The following CACNA1C variants were observed in gnomAD, a reference collection of about 807,000 sequenced individuals.
CACNA1C encodes the protein calcium voltage-gated channel subunit alpha1 C.
CACNA1C carries 30 observed loss-of-function variants against 229.0 expected under a neutral mutation model. The ratio of observed to expected loss-of-function variants is 0.13; its 90% CI spans 0.10 to 0.18. CACNA1C has a LOEUF of 0.18. Ranked by LOEUF, CACNA1C falls within the 10% of genes least tolerant of loss-of-function variation. CACNA1C has a pLI of 1.00. For synonymous variants in CACNA1C, 1,114 were observed against 1,132.5 expected (o/e 0.98, Z 0.33); for missense variants, 1,658 against 2,845.0 (o/e 0.58, Z 9.49).
intron 1 of CACNA1C, chr12:1,991,301 G>A (rs764818184): frequency 4.0e-4 from 175 of 435,918 alleles, no homozygotes; most frequent in Non-Finnish European, 7.3e-4. Context: ...ATTAAACATG[G>A]TAAAATAAAT....
At position 2,310,352 on chromosome 12, in the gene CACNA1C, A is replaced by AAATAT. The variant is rs201363709; in HGVS notation, c.478-138623_478-138622insATATA. Among the ~76,000 whole-genome samples the AAATAT allele has an allele frequency of 1.5e-3, 212 of 139,836 alleles. 1 individual carries two copies. Among genetic ancestry groups the AAATAT allele is most frequent in the African/African-American group, 4.8e-3 (180 of 37,644 alleles). 91.7% of individuals were successfully genotyped at this position (139,836 alleles called of 152,430 possible). Reference sequence around the variant, plus strand: ...CCTCTGCCTCCCAGTTAAAAAAAAAAATATATATATATATATATATGTATG... The same window carrying AAATAT: ...CCTCTGCCTCCCAGTTAAAAAAAAAAAATATATATATATATATATATATATGTATG... On this transcript the variant is annotated intron_variant, in intron 3 of 46. Coordinates refer to ENST00000399655, the MANE Select transcript of CACNA1C (RefSeq NM_000719.7).
At chr12:2,351,377 G>T (rs1269108223) in intron 3 of CACNA1C, among the ~76,000 whole-genome samples, 1 of 152,170 alleles carries the variant, frequency 6.6e-6, no homozygotes, top group Non-Finnish European at 1.5e-5. Flanking sequence ...GATGGCCATT[G>T]GCTGAAGCAA....
rs912527241 is a variant in CACNA1C at position 2,152,253 on chromosome 12, A to G, written c.477+31823A>G. On this transcript the variant is annotated intron_variant, in intron 3 of 46. Transcript: ENST00000399655. The surrounding 1 kb of genome is among the most constrained non-coding windows in gnomAD (Gnocchi z 4.2). ...TCTGTTCTCTACCTCTTTCATAGGG[A>G]TAGAATTTTCAGCTGGGCACATGAC... is the stretch of plus-strand genomic sequence containing the variant. Among the ~76,000 whole-genome samples, 81 of 152,344 alleles carry G rather than the reference A, an allele frequency of 5.3e-4. No individual in the cohort carries two copies. The highest frequency in any genetic ancestry group is 1.9e-3 in the African/African-American group (81 of 41,582).
chr12:2,136,057 G>A (rs890689755), intron 3 of CACNA1C, among the ~76,000 whole-genome samples: 15 of 150,920 alleles, frequency 9.9e-5, no homozygotes, highest in African/African-American at 3.4e-4. Flanking sequence ...TCGGGTGGGA[G>A]TGACCCAATT....
intron 29 of CACNA1C, among the ~76,000 whole-genome samples, chr12:2,628,375 C>G (rs367994982): frequency 6.6e-6 from 1 of 152,202 alleles, no homozygotes; most frequent in African/African-American, 2.4e-5. Flanking sequence ...TGCACCCTGT[C>G]GCCAATCCCA....
Position 2,654,813 on chromosome 12 carries a change from A to T in CACNA1C, c.4141-334A>T, listed in dbSNP as rs762189396. On this transcript the variant is annotated intron_variant, in intron 33 of 46. Coordinates refer to ENST00000399655, the MANE Select transcript of CACNA1C (RefSeq NM_000719.7). This position sits in a 1 kb window ranked among gnomAD's most constrained non-coding sequence, Gnocchi z 4.4. The stretch of plus-strand genomic sequence containing the variant: ...GTGCTTGGACATGCAGAACTGAAAT[A>T]GCAAAGAAAATAACGCAGTGCGTCC... Among the ~76,000 whole-genome samples, 1 of 152,234 alleles carries T rather than the reference A, an allele frequency of 6.6e-6. No homozygotes were observed. The highest frequency in any genetic ancestry group is 1.5e-5 in the Non-Finnish European group (1 of 68,044).
intron 1 of CACNA1C, among the ~76,000 whole-genome samples, chr12:2,056,234 T>A (rs2054799329): frequency 1.7e-5 from 2 of 117,796 alleles, no homozygotes; most frequent in African/African-American, 7.1e-5. Flanking sequence ...TGTGTGTGTG[T>A]GTGTTGAGGG....
At chr12:2,308,706 G>T (rs923272563) in intron 3 of CACNA1C, among the ~76,000 whole-genome samples, 4 of 152,180 alleles carry the variant, frequency 2.6e-5, no homozygotes, top group Non-Finnish European at 5.9e-5. Context: ...GACCTGAAAA[G>T]ACATTTTTCT....
intron 1 of CACNA1C, among the ~76,000 whole-genome samples, chr12:1,980,084 C>T (rs1359389448): frequency 6.6e-6 from 1 of 152,180 alleles, no homozygotes; most frequent in African/African-American, 2.4e-5. Context: ...CAAACCCATA[C>T]ACTATGTCCC....
At chr12:2,599,600 C>A (rs2070787474) in intron 21 of CACNA1C, among the ~76,000 whole-genome samples, 1 of 152,122 alleles carries the variant, frequency 6.6e-6, no homozygotes, top group African/African-American at 2.4e-5. Flanking sequence ...CCCTTCCAGG[C>A]AGAGCTAGCG....
chr12:2,234,299 A>G (rs755811235), intron 3 of CACNA1C, among the ~76,000 whole-genome samples: 3 of 152,132 alleles, frequency 2.0e-5, no homozygotes, highest in Non-Finnish European at 4.4e-5. Flanking sequence ...CTGAACAAAT[A>G]TGTGTTCTCA....
At chr12:2,026,575 G>T (rs1170263416) in intron 1 of CACNA1C, among the ~76,000 whole-genome samples, 2 of 152,216 alleles carry the variant, frequency 1.3e-5, no homozygotes, top group Non-Finnish European at 2.9e-5. Flanking sequence ...TGAGTAATTG[G>T]ATGCGTGGGA....
At chr12:2,422,288 G>C (rs562972042) in intron 3 of CACNA1C, among the ~76,000 whole-genome samples, 1 of 152,330 alleles carries the variant, frequency 6.6e-6, no homozygotes, top group East Asian at 1.9e-4. Context: ...TGGCTAGGAA[G>C]ATAGCTGTTA....
intron 3 of CACNA1C, among the ~76,000 whole-genome samples, chr12:2,156,360 T>C (rs2095554785): frequency 6.6e-6 from 1 of 152,206 alleles, no homozygotes; most frequent in Non-Finnish European, 1.5e-5. Context: ...TGCAGATTCA[T>C]ATGGTGGGTT....
Position 2,346,193 on chromosome 12 carries a change from G to GGT in CACNA1C, c.478-102779_478-102778dup, listed in dbSNP as rs1466705855. ...TGTGGGTGGAGCCGAGGAAGGCAGA[G>GGT]GTGTGCGTGTGTGTCTCTGTGTGTG... On this transcript the variant is annotated intron_variant, in intron 3 of 46. Transcript: ENST00000399655. This position sits in a 1 kb window ranked among gnomAD's most constrained non-coding sequence, Gnocchi z 4.4. Among the ~76,000 whole-genome samples the GGT allele has an allele frequency of 6.6e-6, 1 of 152,108 alleles. No homozygotes were observed. Among genetic ancestry groups the GGT allele is most frequent in the African/African-American group, 2.4e-5 (1 of 41,412 alleles).
chr12:2,676,478 T>TAC (rs1231200809), intron 39 of CACNA1C: 1 of 152,450 alleles, frequency 6.6e-6, no homozygotes, highest in Non-Finnish European at 1.5e-5. Context: ...CCATCAGGTT[T>TAC]ACTCCCAGGA....
intron 1 of CACNA1C, among the ~76,000 whole-genome samples, chr12:2,090,816 A>G (rs975288061): frequency 6.6e-6 from 1 of 152,170 alleles, no homozygotes; most frequent in African/African-American, 2.4e-5. Context: ...GAATCGCCAT[A>G]CAGTTTTCCA....
At chr12:2,547,473 G>A (rs374597708) in intron 9 of CACNA1C, 14 of 779,628 alleles carry the variant, frequency 1.8e-5, no homozygotes, top group Non-Finnish European at 3.3e-5. Context: ...GGGCATGCTT[G>A]ATCAGAAGAA....
chr12:2,032,314 T>C (rs942027332), intron 1 of CACNA1C, among the ~76,000 whole-genome samples: 1 of 152,122 alleles, frequency 6.6e-6, no homozygotes, highest in African/African-American at 2.4e-5. Context: ...TGAACATCAA[T>C]TTCTCTGTCA....
Sources: gnomAD v4.1 joint callset for allele counts (sites outside exome capture counted in the v4.1 genomes callset) on GRCh38, gnomAD v4.1.1 for gene constraint, Gnocchi (gnomAD v3.1) non-coding constraint, MANE v1.5 for transcripts, NCBI Gene and HGNC (gene_info 2026-07-23, HGNC 2026-07-21) for gene names.